UBE2G2: variants seen among roughly 807,000 people sequenced by gnomAD.
The protein encoded by UBE2G2 is ubiquitin-conjugating enzyme E2 G2.
UBE2G2 carries 10 observed loss-of-function variants against 23.0 expected under a neutral mutation model. That is an observed-to-expected ratio of 0.43 (90% CI 0.27 to 0.74). The LOEUF (loss-of-function observed/expected upper bound fraction) is 0.74, where lower values mean the gene tolerates loss of function less well. UBE2G2 is among the 30% of genes least tolerant of loss of function. The pLI, the probability that UBE2G2 is intolerant of heterozygous loss-of-function variation, is 0.19. For missense variants in UBE2G2, 150 were observed against 218.3 expected (o/e 0.69, Z 1.97); for synonymous variants, 86 against 81.3 (o/e 1.06, Z -0.31).
rs78227833 is a variant in UBE2G2, at chr21:44,771,365, C to T, written c.*12G>A. The T allele has an allele frequency of 2.3e-3, 3,749 of 1,609,978 alleles. 61 individuals are homozygous for T. In the African/African-American group the frequency reaches 0.042, roughly 18 times the overall value. ...GCTTGGCGGTGTGTGCGCGCCTGTG[C>T]GAGGCCAGGTCTCACAGTCCCAGAG... On this transcript the variant is annotated 3_prime_UTR_variant, in exon 6 of 6. Transcript: ENST00000345496. This position sits in a 1 kb window ranked among gnomAD's most constrained non-coding sequence, Gnocchi z 4.6.
chr21:44,794,177 GA>G (rs1286006072), intron 1 of UBE2G2, among the ~76,000 whole-genome samples: 1 of 152,230 alleles, frequency 6.6e-6, no homozygotes, highest in Non-Finnish European at 1.5e-5. Flanking sequence ...CCCTATCCTT[GA>G]TCTTGGACTT....
intron 3 of UBE2G2, among the ~76,000 whole-genome samples, chr21:44,779,371 T>TGGGGGGGGGGGGGGGG (rs375243003): frequency 5.3e-5 from 4 of 75,372 alleles, no homozygotes; most frequent in African/African-American, 1.8e-4. Context: ...GGAGCTGGGG[T>TGGGGGGGGGGGGGGGG]GGGGGGGGGG....
At chr21:44,801,582 G>C in intron 1 of UBE2G2, 124 bp downstream of exon 1, 1 of 1,309,476 alleles carries the variant, frequency 7.6e-7, no homozygotes, top group Non-Finnish European at 9.9e-7. Flanking sequence ...CCCACAGGGG[G>C]GCTCACGGTG....
chr21:44,798,412 T>C (rs1241770127), intron 1 of UBE2G2, among the ~76,000 whole-genome samples: 1 of 152,234 alleles, frequency 6.6e-6, no homozygotes, highest in Non-Finnish European at 1.5e-5. Context: ...GATTGCTCTG[T>C]AGTCTGTGAT....
intron 3 of UBE2G2, among the ~76,000 whole-genome samples, chr21:44,786,819 C>T (rs534783021): frequency 7.2e-5 from 11 of 152,198 alleles, no homozygotes; most frequent in Admixed American, 4.6e-4. Context: ...GGGCTTGGCG[C>T]GGTGGCTCAC....
In UBE2G2 at chr21:44,769,851, T is replaced by A. The variant is rs1353299307; in HGVS notation, c.*1526A>T. 1.3e-5 allele frequency: 2 copies of A among 152,274 alleles called. No homozygotes were observed. Among genetic ancestry groups the A allele is most frequent in the Non-Finnish European group, 2.9e-5 (2 of 68,058 alleles). The allele number at this position is 152,274 out of a possible 1,614,324, so 9.4% of individuals were successfully genotyped here. On this transcript the variant is annotated 3_prime_UTR_variant, in exon 6 of 6. Coordinates refer to ENST00000345496, the MANE Select transcript of UBE2G2 (RefSeq NM_003343.6). ...GAGAAAAGGATCACATCAAATCTACTGTATGCCTCATAGACCATCCCTTAT... is the reference window on the plus strand; with the variant it reads ...GAGAAAAGGATCACATCAAATCTACAGTATGCCTCATAGACCATCCCTTAT...
At chr21:44,791,608 G>A (rs782281005) in intron 1 of UBE2G2, among the ~76,000 whole-genome samples, 10 of 152,206 alleles carry the variant, frequency 6.6e-5, no homozygotes, top group Non-Finnish European at 1.2e-4. Flanking sequence ...GTAGGGAAAC[G>A]CCTGGATGTC....
rs549628127 is a variant in UBE2G2, at chr21:44,773,743, G to T, written c.245-56C>A. ...CAGGAATGGTGCCCGAGGCATCGCC[G>T]CGCTTGGGCAGGCTCCACAGATAAT... On this transcript the variant is annotated intron_variant, in intron 4 of 5. Transcript: ENST00000345496. 11 of 1,586,136 alleles carry T rather than the reference G, an allele frequency of 6.9e-6. No homozygotes were observed. The East Asian group carries it at 2.0e-4, about 29-fold the overall frequency.
Position 44,792,064 on chromosome 21 carries a change from T to C in UBE2G2, c.44-3969A>G, listed in dbSNP as rs1282789964. The stretch of plus-strand genomic sequence containing the variant: ...CCTTTGTTTTGGCCAATTTCTTCCA[T>C]TGGTAATGGGAGTATTTATCCAATG... On this transcript the variant is annotated intron_variant, in intron 1 of 5. Coordinates refer to ENST00000345496, the MANE Select transcript of UBE2G2 (RefSeq NM_003343.6). Among the ~76,000 whole-genome samples, 5 of 152,340 alleles carry C rather than the reference T, an allele frequency of 3.3e-5. No individual in the cohort carries two copies. In the East Asian group the frequency reaches 7.7e-4, roughly 23 times the overall value.
At chr21:44,788,266 A>G (rs748243477) in intron 1 of UBE2G2, among the ~76,000 whole-genome samples, 171 bp from the exon 2 acceptor site, 6 of 151,844 alleles carry the variant, frequency 4.0e-5, no homozygotes, top group Non-Finnish European at 8.8e-5. Context: ...GGTTCTGATA[A>G]CAACTACACA....
chr21:44,785,817 C>T (rs2082992551), intron 3 of UBE2G2: 1 of 152,224 alleles, frequency 6.6e-6, no homozygotes, highest in Non-Finnish European at 1.5e-5. Context: ...AACCCACAAA[C>T]TCACTAGGAT....
At chr21:44,781,543 G>A (rs2082956426) in intron 3 of UBE2G2, among the ~76,000 whole-genome samples, 1 of 152,360 alleles carries the variant, frequency 6.6e-6, no homozygotes, top group South Asian at 2.1e-4. Context: ...AGGCAGTGAG[G>A]AGTTAAATAG....
At chr21:44,780,165 T>G (rs1295748729) in intron 3 of UBE2G2, among the ~76,000 whole-genome samples, 2 of 152,250 alleles carry the variant, frequency 1.3e-5, no homozygotes, top group East Asian at 3.8e-4. Flanking sequence ...GCCCACATCT[T>G]AAATATCAAA....
intron 4 of UBE2G2, chr21:44,773,932 CTAATCCA>C: frequency 2.4e-6 from 1 of 410,482 alleles, no homozygotes; most frequent in South Asian, 6.4e-5. Context: ...CTGTCGTAGT[CTAATCCA>C]CTTTCATATG....
At chr21:44,794,972 A>T (rs1364905431) in intron 1 of UBE2G2, among the ~76,000 whole-genome samples, 1 of 152,242 alleles carries the variant, frequency 6.6e-6, no homozygotes, top group Admixed American at 6.5e-5. Flanking sequence ...AATGCAAATG[A>T]AAACCTCAGT....
In UBE2G2 at chr21:44,770,000, C is replaced by T. The variant is rs1163659512; in HGVS notation, c.*1377G>A. ...TCCTGGCCTGTGCTGCTCAGCTGGC[C>T]CTGTTAGAGAACATGGGAACCACAT... On this transcript the variant is annotated 3_prime_UTR_variant, in exon 6 of 6. Transcript: ENST00000345496. 2.6e-5 allele frequency: 4 copies of T among 152,172 alleles called. No individual in the cohort carries two copies. The highest frequency in any genetic ancestry group is 4.4e-5 in the Non-Finnish European group (3 of 68,032). 9.4% of individuals were successfully genotyped at this position (152,172 alleles called of 1,614,324 possible).
At position 44,771,167 on chromosome 21, in the gene UBE2G2, T is replaced by C. The variant is rs2082870683; in HGVS notation, c.*210A>G. The C allele has an allele frequency of 5.4e-6, 3 of 560,058 alleles. No individual in the cohort carries two copies. The highest frequency in any genetic ancestry group is 6.3e-6 in the Non-Finnish European group (2 of 316,336). The allele number at this position is 560,058 out of a possible 1,614,324, so 34.7% of individuals were successfully genotyped here. ...CCCTTTGTGAGGAATACTGTAAAAC[T>C]GCAGTAAGCTGTCAATATTCGACAT... On this transcript the variant is annotated 3_prime_UTR_variant, in exon 6 of 6. Transcript: ENST00000345496. This position sits in a 1 kb window ranked among gnomAD's most constrained non-coding sequence, Gnocchi z 4.6.
intron 4 of UBE2G2, chr21:44,777,039 C>T (rs1006660317): frequency 2.3e-5 from 9 of 390,658 alleles, no homozygotes; most frequent in Non-Finnish European, 3.7e-5. Context: ...AAAACTTCCT[C>T]CCCAGTGAAG....
At chr21:44,801,197 G>A (rs1444171503) in intron 1 of UBE2G2, 2 of 423,942 alleles carry the variant, frequency 4.7e-6, no homozygotes, top group African/African-American at 2.2e-5. Context: ...GCACTCAAGA[G>A]GTTTCCTCAA....
Sources: allele counts gnomAD v4.1 joint callset (sites outside exome capture counted in the v4.1 genomes callset), GRCh38; gene constraint gnomAD v4.1.1; non-coding constraint Gnocchi (gnomAD v3.1); transcripts MANE v1.5; gene names NCBI Gene and HGNC (gene_info 2026-07-23, HGNC 2026-07-21).